NLGN1: variants seen among roughly 807,000 people sequenced by gnomAD.
The protein encoded by NLGN1 is neuroligin 1.
A neutral mutation model predicts 65.5 loss-of-function variants in NLGN1; 12 were observed. The observed-to-expected ratio is 0.18, with a 90% CI of 0.12 to 0.30. NLGN1 has a LOEUF of 0.30. NLGN1 is among the 10% of genes least tolerant of loss of function. The pLI, the probability that NLGN1 is intolerant of heterozygous loss-of-function variation, is 1.00. For synonymous variants in NLGN1, 350 were observed against 359.5 expected (o/e 0.97, Z 0.30); for missense variants, 750 against 1,007.1 (o/e 0.74, Z 3.46).
chr3:174,211,106 G>C (rs532855302), intron 4 of NLGN1, among the ~76,000 whole-genome samples: 104 of 152,256 alleles, frequency 6.8e-4, no homozygotes, highest in Non-Finnish European at 1.4e-3. Flanking sequence ...TGAAGCTGCA[G>C]ATCTTCGCAG....
intron 4 of NLGN1, among the ~76,000 whole-genome samples, chr3:173,832,155 G>A (rs867034158): frequency 2.0e-5 from 3 of 151,852 alleles, no homozygotes; most frequent in Admixed American, 2.0e-4. Context: ...GTAGAGACAG[G>A]GTCTCACTGT....
chr3:173,452,753 A>G (rs1288086340), intron 2 of NLGN1, among the ~76,000 whole-genome samples: 1 of 152,198 alleles, frequency 6.6e-6, no homozygotes, highest in Non-Finnish European at 1.5e-5. Flanking sequence ...TAATAGTACA[A>G]TAGGAGATTC....
rs1290677801 is a variant in NLGN1, at chr3:173,605,516, C to G, written c.493+425C>G. 1 of 1,267,578 alleles carries G rather than the reference C, an allele frequency of 7.9e-7. No individual in the cohort carries two copies. Among genetic ancestry groups the G allele is most frequent in the Non-Finnish European group, 1.0e-6 (1 of 968,628 alleles). 78.5% of individuals were successfully genotyped at this position (1,267,578 alleles called of 1,614,324 possible). A position where few individuals can be genotyped will look rare whatever the true frequency, so the allele number is the denominator to read the frequency against. ...ATGGAGCGCCATGTTATTTTCTAGT[C>G]TTCTATTCATTTTTCAGTAAAAAGA... is the stretch of plus-strand genomic sequence containing the variant. On this transcript the variant is annotated intron_variant, in intron 3 of 6. Transcript: ENST00000457714.
chr3:173,574,508 G>A (rs1745200993), intron 2 of NLGN1, among the ~76,000 whole-genome samples: 1 of 151,902 alleles, frequency 6.6e-6, no homozygotes, highest in African/African-American at 2.4e-5. Flanking sequence ...AAGCATCATT[G>A]AAAATACTAA....
chr3:173,915,923 A>G (rs1740644162), intron 4 of NLGN1, among the ~76,000 whole-genome samples: 1 of 152,084 alleles, frequency 6.6e-6, no homozygotes, highest in Non-Finnish European at 1.5e-5. Flanking sequence ...TTTAGATTAT[A>G]GTAGCATTTT....
At chr3:173,623,923 T>G (rs1322761062) in intron 3 of NLGN1, among the ~76,000 whole-genome samples, 3 of 152,156 alleles carry the variant, frequency 2.0e-5, no homozygotes, top group Non-Finnish European at 4.4e-5. Context: ...TTGACATCTA[T>G]TTAAAAGGCC....
At chr3:173,920,402 C>T (rs1000633189) in intron 4 of NLGN1, 1 of 152,074 alleles carries the variant, frequency 6.6e-6, no homozygotes, top group Non-Finnish European at 1.5e-5. Flanking sequence ...AGATTTGGGC[C>T]ATATCTTGTA....
intron 4 of NLGN1, among the ~76,000 whole-genome samples, chr3:173,885,198 A>C (rs1483597029): frequency 6.6e-6 from 1 of 152,118 alleles, no homozygotes; most frequent in Non-Finnish European, 1.5e-5. Context: ...TTCATTTAGA[A>C]ATTTTGTTGT....
chr3:173,465,056 A>G (rs1326288642), intron 2 of NLGN1, among the ~76,000 whole-genome samples: 1 of 152,184 alleles, frequency 6.6e-6, no homozygotes, highest in Admixed American at 6.6e-5. Context: ...ATCTGGAAAC[A>G]TTTTATAATT....
intron 4 of NLGN1, among the ~76,000 whole-genome samples, chr3:173,991,493 G>A (rs927124275): frequency 6.6e-6 from 1 of 152,040 alleles, no homozygotes; most frequent in African/African-American, 2.4e-5. Context: ...CTTCCCTGTC[G>A]AATAGAATGT....
At chr3:173,524,282 C>T (rs954664573) in intron 2 of NLGN1, among the ~76,000 whole-genome samples, 9 of 152,008 alleles carry the variant, frequency 5.9e-5, no homozygotes, top group African/African-American at 1.7e-4. Context: ...TGATTCACCT[C>T]CTTGGTTAGC....
chr3:174,163,495 T>A (rs1726949092), intron 4 of NLGN1, among the ~76,000 whole-genome samples: 1 of 151,956 alleles, frequency 6.6e-6, no homozygotes, highest in South Asian at 2.1e-4. Flanking sequence ...GGGTATATTG[T>A]GTGATGCTTA....
intron 4 of NLGN1, among the ~76,000 whole-genome samples, chr3:174,070,357 A>G (rs1373690753): frequency 6.7e-6 from 1 of 149,432 alleles, no homozygotes; most frequent in Admixed American, 6.7e-5. Context: ...TTTGAAATGG[A>G]GTCTCGCTCT....
At chr3:174,259,549 G>A (rs905043879) in intron 4 of NLGN1, among the ~76,000 whole-genome samples, 16 of 151,662 alleles carry the variant, frequency 1.1e-4, no homozygotes, top group African/African-American at 3.4e-4. Flanking sequence ...AAGACACAAT[G>A]TCCTCTATTT....
At chr3:174,092,937 A>G (rs539122090) in intron 4 of NLGN1, among the ~76,000 whole-genome samples, 7 of 152,314 alleles carry the variant, frequency 4.6e-5, no homozygotes, top group East Asian at 3.9e-4. Flanking sequence ...CATTATCAAA[A>G]TGAACTGGAT....
At chr3:174,076,806 C>G (rs1254834542) in intron 4 of NLGN1, among the ~76,000 whole-genome samples, 2 of 143,798 alleles carry the variant, frequency 1.4e-5, no homozygotes, top group Non-Finnish European at 3.0e-5. Flanking sequence ...TTTCTAAAAC[C>G]ATCAACACTT....
At chr3:174,017,156 T>C (rs1039438282) in intron 4 of NLGN1, among the ~76,000 whole-genome samples, 6 of 152,178 alleles carry the variant, frequency 3.9e-5, no homozygotes, top group East Asian at 1.9e-4. Flanking sequence ...TTTTGAAAGA[T>C]GAATGTAGTT....
intron 2 of NLGN1, among the ~76,000 whole-genome samples, chr3:173,502,298 C>T (rs1267489299): frequency 2.0e-5 from 3 of 152,002 alleles, no homozygotes; most frequent in Non-Finnish European, 4.4e-5. Flanking sequence ...ATCTTACTTT[C>T]CCAATTTCCA....
At chr3:174,208,737 C>T (rs1577363892) in intron 4 of NLGN1, among the ~76,000 whole-genome samples, 1 of 151,490 alleles carries the variant, frequency 6.6e-6, no homozygotes, top group East Asian at 1.9e-4. Flanking sequence ...TGCCTAGAAC[C>T]TCAATTCAAT....
Sources: allele counts gnomAD v4.1 joint callset (sites outside exome capture counted in the v4.1 genomes callset), GRCh38; gene constraint gnomAD v4.1.1; transcripts MANE v1.5; gene names NCBI Gene and HGNC (gene_info 2026-07-23, HGNC 2026-07-21).